The following DPY19L2 variants were observed in gnomAD, a reference collection of about 807,000 sequenced individuals.
The protein encoded by DPY19L2 is dpy-19 like 2.
Under a neutral mutation model 97.9 loss-of-function variants are expected in DPY19L2, and 34 were observed. The observed-to-expected ratio is 0.35, with a 90% CI of 0.26 to 0.46. DPY19L2 has a LOEUF of 0.46. DPY19L2 is among the 20% of genes least tolerant of loss of function. The pLI, the probability that DPY19L2 is intolerant of heterozygous loss-of-function variation, is 1.00. For synonymous variants in DPY19L2, 230 were observed against 307.9 expected (o/e 0.75, Z 2.65); for missense variants, 623 against 911.4 (o/e 0.68, Z 4.07).
intron 16 of DPY19L2, among the ~76,000 whole-genome samples, chr12:63,587,249 CTATA>C (rs1341210763): frequency 1.3e-5 from 2 of 151,912 alleles, no homozygotes; most frequent in Non-Finnish European, 2.9e-5. Context: ...ACAGCACTAT[CTATA>C]TAAAGCAAAC....
chr12:63,651,186 A>G (rs1565841586), intron 4 of DPY19L2, among the ~76,000 whole-genome samples: 1 of 152,224 alleles, frequency 6.6e-6, no homozygotes, highest in Non-Finnish European at 1.5e-5. Flanking sequence ...TGATGCTGGG[A>G]TAACTGGCTA....
chr12:63,618,765 C>T (rs1488711862), intron 9 of DPY19L2, among the ~76,000 whole-genome samples: 1 of 152,120 alleles, frequency 6.6e-6, no homozygotes, highest in Non-Finnish European at 1.5e-5. Context: ...CAAGATTTAT[C>T]AGTGCTTTTT....
intron 4 of DPY19L2, among the ~76,000 whole-genome samples, chr12:63,657,280 T>C (rs1225290528): frequency 2.0e-5 from 3 of 152,188 alleles, no homozygotes; most frequent in African/African-American, 2.4e-5. Context: ...TGGACACTAG[T>C]GATTTCAAAT....
At chr12:63,635,171 G>C (rs75222099) in intron 6 of DPY19L2, among the ~76,000 whole-genome samples, 1 of 152,112 alleles carries the variant, frequency 6.6e-6, no homozygotes, top group Non-Finnish European at 1.5e-5. Context: ...ACGCAAACAG[G>C]GTCTGGAGTG....
At chr12:63,620,027 T>C (rs181018131) in intron 9 of DPY19L2, 17 of 454,352 alleles carry the variant, frequency 3.7e-5, no homozygotes, top group Admixed American at 9.5e-5. Context: ...ATAATTTCAT[T>C]CTTTGTAGGC....
chr12:63,654,905 C>T (rs1894764245), intron 4 of DPY19L2, among the ~76,000 whole-genome samples: 1 of 152,010 alleles, frequency 6.6e-6, no homozygotes, highest in African/African-American at 2.4e-5. Flanking sequence ...TTCAGAATCC[C>T]TCTGTCAAAA....
chr12:63,580,521 T>C, intron 19 of DPY19L2, 141 bp downstream of exon 19: 1 of 881,272 alleles, frequency 1.1e-6, no homozygotes, highest in Non-Finnish European at 1.6e-6. Context: ...GCTCAAAGTC[T>C]GTGAGAGTAT....
intron 11 of DPY19L2, among the ~76,000 whole-genome samples, chr12:63,609,110 G>C (rs1442872213): frequency 6.6e-6 from 1 of 152,006 alleles, no homozygotes; most frequent in Non-Finnish European, 1.5e-5. Context: ...GAAAGAGAAA[G>C]AACTTCTCCG....
rs565578262 is a variant in DPY19L2, at chr12:63,596,723, T to C, written c.1462-686A>G. Among the ~76,000 whole-genome samples, 4 of 152,234 alleles carry C rather than the reference T, an allele frequency of 2.6e-5. No homozygotes were observed. In the East Asian group the frequency reaches 7.7e-4, roughly 29 times the overall value. ...ACCACTAATTCAGAATTCATAATGA[T>C]TACACAAGGAATAATCAATCCAGTA... On this transcript the variant is annotated intron_variant, in intron 14 of 21. Coordinates refer to ENST00000324472, the MANE Select transcript of DPY19L2 (RefSeq NM_173812.5).
Position 63,580,811 on chromosome 12 carries a change from A to G in DPY19L2, c.1751T>C (p.Val584Ala), listed in dbSNP as rs773538542. ...RQLFGWLFRRVRFEKVIFGIL... is the reference protein window; with the variant it reads ...RQLFGWLFRRARFEKVIFGIL... ...GCCAAAGATAACCTTCTCAAAACGAACTCTGCGAAAAAGCCAGCCAAAGAG... is the reference window on the plus strand; with the variant it reads ...GCCAAAGATAACCTTCTCAAAACGAGCTCTGCGAAAAAGCCAGCCAAAGAG... The change falls in exon 19 of 22, where the codon GTT (valine) becomes GCT (alanine). Residue 584 changes from valine to alanine, a missense_variant. This residue lies in a region of DPY19L2 where 294 missense variants were observed against 446.2 expected (regional missense o/e 0.66). Coordinates refer to ENST00000324472, the MANE Select transcript of DPY19L2 (RefSeq NM_173812.5). 4.3e-6 allele frequency: 7 copies of G among 1,611,586 alleles called. No homozygotes were observed. In the Admixed American group the frequency reaches 1.2e-4, roughly 27 times the overall value.
chr12:63,646,249 T>TA (rs1565833422), intron 5 of DPY19L2, among the ~76,000 whole-genome samples: 71 of 152,282 alleles, frequency 4.7e-4, no homozygotes, highest in African/African-American at 1.6e-3. Flanking sequence ...TTATCACTTA[T>TA]TGGGAATGTA....
intron 11 of DPY19L2, among the ~76,000 whole-genome samples, chr12:63,612,431 G>A (rs1276946336): frequency 6.6e-6 from 1 of 151,906 alleles, no homozygotes; most frequent in Non-Finnish European, 1.5e-5. Flanking sequence ...TATATCACAT[G>A]TTTAAGTAAA....
At chr12:63,597,780 G>C in intron 14 of DPY19L2, 29 bp downstream of exon 14, 1 of 1,582,818 alleles carries the variant, frequency 6.3e-7, no homozygotes, top group Non-Finnish European at 8.6e-7. Flanking sequence ...ACTCATATTA[G>C]TAGAGAAGGA....
rs1202136118 is a variant in DPY19L2 at position 63,637,945 on chromosome 12, T to C, written c.803+6458A>G. On this transcript the variant is annotated intron_variant, in intron 6 of 21. Transcript: ENST00000324472. ...GACCAATATCCCTGATGAACATTGA[T>C]ACAAAAATCCTCAATAAAATATTGG... Among the ~76,000 whole-genome samples the C allele has an allele frequency of 3.9e-5, 6 of 152,198 alleles. No individual in the cohort carries two copies. The East Asian group carries it at 5.8e-4, about 15-fold the overall frequency.
chr12:63,567,435 T>C (rs1877957284), intron 21 of DPY19L2, among the ~76,000 whole-genome samples: 1 of 152,120 alleles, frequency 6.6e-6, no homozygotes, highest in African/African-American at 2.4e-5. Context: ...GGGTTATTTC[T>C]AGTAAATCGT....
chr12:63,592,420 G>A (rs1339122752), intron 16 of DPY19L2, among the ~76,000 whole-genome samples: 7 of 148,542 alleles, frequency 4.7e-5, no homozygotes, highest in African/African-American at 1.7e-4. Flanking sequence ...AAAACAGCAT[G>A]GTACTGGTAC....
intron 16 of DPY19L2, among the ~76,000 whole-genome samples, chr12:63,592,036 G>A (rs1481097326): frequency 2.3e-3 from 32 of 13,960 alleles, no homozygotes; most frequent in South Asian, 4.0e-3. Context: ...GAGGGGAGGG[G>A]AGGGGAGGGA....
chr12:63,561,410 T>C (rs1374132312), intron 21 of DPY19L2, among the ~76,000 whole-genome samples: 15 of 152,204 alleles, frequency 9.9e-5, no homozygotes, highest in Non-Finnish European at 1.5e-4. Context: ...ACAAGTTCCC[T>C]GTGCCCTTTT....
At chr12:63,659,276 T>C (rs1895367504) in intron 4 of DPY19L2, among the ~76,000 whole-genome samples, 4 of 152,068 alleles carry the variant, frequency 2.6e-5, no homozygotes, top group Admixed American at 2.6e-4. Context: ...AATTTTAAAA[T>C]AATACCATTT....
Sources: allele counts gnomAD v4.1 joint callset (sites outside exome capture counted in the v4.1 genomes callset), GRCh38; gene constraint gnomAD v4.1.1; regional missense constraint gnomAD v4.1.1; transcripts MANE v1.5; gene names NCBI Gene and HGNC (gene_info 2026-07-23, HGNC 2026-07-21).